The following ERC2 variants were observed in gnomAD, a reference collection of about 807,000 sequenced individuals.
The protein encoded by ERC2 is ELKS/RAB6-interacting/CAST family member 2.
Under a neutral mutation model 114.8 loss-of-function variants are expected in ERC2, and 42 were observed. The observed-to-expected ratio is 0.37, with a 90% CI of 0.29 to 0.47. ERC2 has a LOEUF of 0.47. Among genes scored for constraint, ERC2 ranks in the 20% least tolerant of loss-of-function variants. The probability of loss-of-function intolerance (pLI) is 0.99; values close to 1 mark genes in which losing one functional copy is unlikely to be tolerated. For missense variants in ERC2, 939 were observed against 1,150.7 expected, an observed-to-expected ratio of 0.82 and a Z score of 2.66; for synonymous variants, 454 against 425.5, an observed-to-expected ratio of 1.07 and a Z score of -0.82.
intron 14 of ERC2, among the ~76,000 whole-genome samples, chr3:55,876,385 T>G (rs1233197976): frequency 6.6e-6 from 1 of 152,190 alleles, no homozygotes; most frequent in African/African-American, 2.4e-5. Context: ...GGCAGCAGTT[T>G]GTTTCCCTTG....
intron 2 of ERC2, among the ~76,000 whole-genome samples, chr3:56,339,986 C>CA (rs1424260618): frequency 1.3e-5 from 2 of 152,142 alleles, no homozygotes; most frequent in Admixed American, 6.5e-5. Context: ...GAAAGTGAGT[C>CA]AAAATCACAA....
intron 6 of ERC2, among the ~76,000 whole-genome samples, chr3:56,136,004 T>C (rs533941642): frequency 4.6e-5 from 7 of 152,364 alleles, no homozygotes; most frequent in Middle Eastern, 6.8e-3. Flanking sequence ...TTAAGAGCTA[T>C]GTGGTGTATC....
intron 6 of ERC2, among the ~76,000 whole-genome samples, chr3:56,115,242 C>T (rs994742864): frequency 9.9e-5 from 15 of 152,132 alleles, no homozygotes; most frequent in Non-Finnish European, 1.5e-4. Context: ...GCAAGATAAA[C>T]CCATTGGGCA....
In ERC2 at chr3:56,283,231, T is replaced by C. The variant is rs537909193; in HGVS notation, c.1074+12788A>G. Among the ~76,000 whole-genome samples, 213 of 152,334 alleles carry C rather than the reference T, an allele frequency of 1.4e-3. 2 individuals are homozygous for C. The highest frequency in any genetic ancestry group is 0.013 in the South Asian group (64 of 4,826). ...TTTAAAGCAGCTAAAGCTTGAATCT[T>C]TGAAATCATCTAAACCTTGACATGC... On this transcript the variant is annotated intron_variant, in intron 3 of 17. Coordinates refer to ENST00000288221, the MANE Select transcript of ERC2 (RefSeq NM_015576.3).
chr3:55,655,442 A>C (rs2060816174), intron 17 of ERC2, among the ~76,000 whole-genome samples: 1 of 152,218 alleles, frequency 6.6e-6, no homozygotes, highest in Non-Finnish European at 1.5e-5. Context: ...TTGGGCCTGC[A>C]GAGTGTTTAA....
chr3:56,124,666 T>A (rs1319048167), intron 6 of ERC2, among the ~76,000 whole-genome samples: 1 of 152,174 alleles, frequency 6.6e-6, no homozygotes, highest in Non-Finnish European at 1.5e-5. Context: ...AGAGAACAAT[T>A]CTGGAAACTC....
chr3:56,264,474 G>A (rs1325799366), intron 3 of ERC2, among the ~76,000 whole-genome samples: 1 of 151,950 alleles, frequency 6.6e-6, no homozygotes, highest in Non-Finnish European at 1.5e-5. Context: ...GCGTGCACCT[G>A]TAATCCCAGC....
intron 3 of ERC2, among the ~76,000 whole-genome samples, chr3:56,217,012 AT>A (rs2049528826): frequency 1.3e-5 from 2 of 152,364 alleles, no homozygotes; most frequent in Middle Eastern, 3.4e-3. Context: ...AGAGCTATCT[AT>A]GGCAAACCCA....
At chr3:55,702,079 G>T (rs2148829846) in intron 15 of ERC2, among the ~76,000 whole-genome samples, 1 of 151,964 alleles carries the variant, frequency 6.6e-6, no homozygotes, top group South Asian at 2.1e-4. Context: ...CAAGCCTAAA[G>T]TTCCCTACCT....
intron 12 of ERC2, among the ~76,000 whole-genome samples, chr3:55,960,006 G>A (rs570965502): frequency 1.1e-4 from 17 of 152,260 alleles, no homozygotes; most frequent in South Asian, 4.2e-4. Flanking sequence ...AGCCAATAGC[G>A]CAGGAGTGCA....
chr3:55,898,575 G>A (rs1032214674), intron 13 of ERC2, among the ~76,000 whole-genome samples: 6 of 151,952 alleles, frequency 3.9e-5, no homozygotes, highest in African/African-American at 1.2e-4. Flanking sequence ...TGAGGAATAC[G>A]GGCAGTACAA....
chr3:55,612,987 G>A (rs539060881), intron 17 of ERC2: 29 of 152,224 alleles, frequency 1.9e-4, no homozygotes, highest in Non-Finnish European at 3.7e-4. Flanking sequence ...AAATGCAAAT[G>A]TAACTGGATG....
intron 13 of ERC2, among the ~76,000 whole-genome samples, chr3:55,918,973 C>T (rs1420324533): frequency 1.3e-5 from 2 of 152,010 alleles, no homozygotes; most frequent in African/African-American, 2.4e-5. Flanking sequence ...GATATATTCT[C>T]ATACGTTTTC....
intron 17 of ERC2, among the ~76,000 whole-genome samples, chr3:55,644,088 G>T (rs1336453267): frequency 6.6e-6 from 1 of 152,100 alleles, no homozygotes; most frequent in African/African-American, 2.4e-5. Flanking sequence ...CTATCCGCAG[G>T]CCCAGTGGCC....
At chr3:55,925,562 G>A (rs2065696962) in intron 13 of ERC2, among the ~76,000 whole-genome samples, 1 of 152,150 alleles carries the variant, frequency 6.6e-6, no homozygotes, top group African/African-American at 2.4e-5. Context: ...TTTCTGTCCT[G>A]GACAACTGGG....
At chr3:56,003,156 G>T in intron 10 of ERC2, 1 of 1,286,494 alleles carries the variant, frequency 7.8e-7, no homozygotes. Flanking sequence ...AGTTGGGGAG[G>T]CATTGAGGCA....
At chr3:56,096,554 C>T (rs922677797) in intron 6 of ERC2, among the ~76,000 whole-genome samples, 2 of 152,130 alleles carry the variant, frequency 1.3e-5, no homozygotes, top group African/African-American at 4.8e-5. Flanking sequence ...TGTATCTTAT[C>T]CTTTCTGACA....
intron 12 of ERC2, among the ~76,000 whole-genome samples, chr3:55,953,509 C>T (rs143010147): frequency 3.3e-5 from 5 of 152,228 alleles, no homozygotes; most frequent in African/African-American, 1.2e-4. Flanking sequence ...GCAGTTGAAG[C>T]CTTTCTTTTA....
chr3:56,421,851 A>T (rs764086692), intron 2 of ERC2, among the ~76,000 whole-genome samples: 53 of 151,916 alleles, frequency 3.5e-4, no homozygotes, highest in Non-Finnish European at 6.9e-4. Flanking sequence ...TTTTTCTTAA[A>T]CTTGAATGGG....
Sources: allele counts gnomAD v4.1 joint callset (sites outside exome capture counted in the v4.1 genomes callset), GRCh38; gene constraint gnomAD v4.1.1; transcripts MANE v1.5; gene names NCBI Gene and HGNC (gene_info 2026-07-23, HGNC 2026-07-21).